AGO2: variants seen among roughly 807,000 people sequenced by gnomAD.
AGO2 encodes the protein argonaute RISC catalytic component 2.
In AGO2, 5 loss-of-function variants were observed where a neutral mutation model predicts 102.3. The ratio of observed to expected loss-of-function variants is 0.05; its 90% CI spans 0.03 to 0.10. The LOEUF is 0.10. Ranked by LOEUF, AGO2 falls within the 10% of genes least tolerant of loss-of-function variation. AGO2 has a pLI of 1.00. For synonymous variants in AGO2, 449 were observed against 473.1 expected (o/e 0.95, Z 0.66); for missense variants, 541 against 1,183.7 (o/e 0.46, Z 7.97).
At chr8:140,617,179 A>G (rs2074151649) in intron 1 of AGO2, among the ~76,000 whole-genome samples, 1 of 152,298 alleles carries the variant, frequency 6.6e-6, no homozygotes, top group South Asian at 2.1e-4. Flanking sequence ...CACAACTAGC[A>G]GCTAACGCGA....
chr8:140,561,239 A>G (rs1234314381), intron 4 of AGO2, among the ~76,000 whole-genome samples: 1 of 152,178 alleles, frequency 6.6e-6, no homozygotes, highest in Non-Finnish European at 1.5e-5. Flanking sequence ...CGCCGTCACT[A>G]ATGATTCTGA....
intron 2 of AGO2, among the ~76,000 whole-genome samples, chr8:140,580,448 G>C (rs530379745): frequency 1.3e-5 from 2 of 152,364 alleles, no homozygotes; most frequent in Admixed American, 1.3e-4. Flanking sequence ...AGAGGCTGCA[G>C]TGTGGTAAGA....
intron 10 of AGO2, among the ~76,000 whole-genome samples, chr8:140,553,843 C>T (rs1026006942): frequency 9.9e-5 from 15 of 152,112 alleles, no homozygotes; most frequent in East Asian, 5.8e-4. Context: ...GGATTACAGG[C>T]GCATGCCACC....
At chr8:140,608,188 C>T (rs142978872) in intron 1 of AGO2, among the ~76,000 whole-genome samples, 85 of 152,286 alleles carry the variant, frequency 5.6e-4, no homozygotes, top group Admixed American at 1.7e-3. Flanking sequence ...TAGCATGAGA[C>T]AGGCAGAGAT....
At chr8:140,592,922 A>C (rs7814116) in intron 1 of AGO2, 120,845 of 152,294 alleles carry the variant, frequency 0.79, 48,260 homozygotes, top group Admixed American at 0.84. Context: ...CTGAGGAGCC[A>C]GGAGCTCCAT....
In AGO2 at chr8:140,531,770, T is replaced by G; in HGVS notation, c.*274A>C. 3.2e-6 allele frequency: 1 copy of G among 312,464 alleles called. No individual in the cohort carries two copies. Among genetic ancestry groups the G allele is most frequent in the Non-Finnish European group, 6.0e-6 (1 of 165,310 alleles). The allele number at this position is 312,464 out of a possible 1,614,324, so 19.4% of individuals were successfully genotyped here. ...AGTTCATAGACTGGTTTTAGGAGAT[T>G]TTTAGGACACACGGGACTCTGTTTT... On this transcript the variant is annotated 3_prime_UTR_variant, in exon 19 of 19. Transcript: ENST00000220592.
chr8:140,580,565 C>T (rs1013650728), intron 2 of AGO2, among the ~76,000 whole-genome samples: 6 of 152,182 alleles, frequency 3.9e-5, no homozygotes, highest in Admixed American at 1.3e-4. Flanking sequence ...CCTCCAGCGG[C>T]GCTGACCATG....
upstream of AGO2, chr8:140,637,136 C>G (rs1461622326): frequency 6.6e-6 from 1 of 152,184 alleles, no homozygotes; most frequent in African/African-American, 2.4e-5. Flanking sequence ...GGCAGCCATC[C>G]CTTAAACTGC....
chr8:140,599,854 TGGGATTACA>T (rs977236116), intron 1 of AGO2, among the ~76,000 whole-genome samples: 5 of 152,208 alleles, frequency 3.3e-5, no homozygotes, highest in African/African-American at 1.2e-4. Context: ...CCAGAATAGC[TGGGATTACA>T]GGCACCCACC....
chr8:140,571,964 T>C (rs976143127), intron 3 of AGO2, among the ~76,000 whole-genome samples: 2 of 152,094 alleles, frequency 1.3e-5, no homozygotes, highest in African/African-American at 4.8e-5. Context: ...GAACTCCTGA[T>C]CTTGTGATCC....
At chr8:140,566,400 A>G (rs1323826061) in intron 3 of AGO2, among the ~76,000 whole-genome samples, 1 of 152,240 alleles carries the variant, frequency 6.6e-6, no homozygotes, top group Admixed American at 6.5e-5. Flanking sequence ...TATCAACAGC[A>G]TGAAAATTGG....
chr8:140,549,651 G>A (rs1239604031), intron 11 of AGO2, among the ~76,000 whole-genome samples: 1 of 152,282 alleles, frequency 6.6e-6, no homozygotes, highest in East Asian at 1.9e-4. Flanking sequence ...CCGTAAAGCT[G>A]CTGAGCAGCG....
At chr8:140,566,618 T>TG (rs1188430819) in intron 3 of AGO2, among the ~76,000 whole-genome samples, 3,635 of 128,326 alleles carry the variant, frequency 0.028, 70 homozygotes, top group Non-Finnish European at 0.041. Context: ...TTTTTTTTTT[T>TG]GGGGGGGGGG....
chr8:140,601,939 G>T (rs946919182), intron 1 of AGO2, among the ~76,000 whole-genome samples: 1 of 152,110 alleles, frequency 6.6e-6, no homozygotes, highest in African/African-American at 2.4e-5. Flanking sequence ...TTCCCCTTTG[G>T]GTTGAAGATG....
chr8:140,591,369 C>T (rs2073743980), intron 1 of AGO2, among the ~76,000 whole-genome samples: 1 of 152,186 alleles, frequency 6.6e-6, no homozygotes, highest in African/African-American at 2.4e-5. Flanking sequence ...AGGGAGAACT[C>T]CCCCAGGGAA....
rs1436820768 is a variant in AGO2, at chr8:140,520,568, A to G, written c.*11476T>C. On this transcript the variant is annotated 3_prime_UTR_variant, in exon 19 of 19. Transcript: ENST00000220592. ...CTCCCCATCTGTTCAGTTTCGGGTG[A>G]GTGCTGAGGAATAGAGAAATGTGAA... is the stretch of plus-strand genomic sequence containing the variant. The G allele has an allele frequency of 6.6e-6, 1 of 152,136 alleles. No individual in the cohort carries two copies. Among genetic ancestry groups the G allele is most frequent in the African/African-American group, 2.4e-5 (1 of 41,444 alleles). 9.4% of individuals were successfully genotyped at this position (152,136 alleles called of 1,614,324 possible). A position where few individuals can be genotyped will look rare whatever the true frequency, so the allele number is the denominator to read the frequency against.
At chr8:140,533,389 C>CA (rs371478800) in intron 17 of AGO2, among the ~76,000 whole-genome samples, 187 of 96,084 alleles carry the variant, frequency 1.9e-3, no homozygotes, top group East Asian at 4.7e-3. Flanking sequence ...ACTCCGTCTC[C>CA]AAAAAAAAAA....
At chr8:140,621,690 G>A (rs1190386441) in intron 1 of AGO2, among the ~76,000 whole-genome samples, 1 of 152,146 alleles carries the variant, frequency 6.6e-6, no homozygotes, top group African/African-American at 2.4e-5. Flanking sequence ...AGGTGATCTG[G>A]GCAAAACATC....
chr8:140,632,906 C>CTT (rs56679517), intron 1 of AGO2, among the ~76,000 whole-genome samples: 5 of 142,606 alleles, frequency 3.5e-5, no homozygotes, highest in Admixed American at 1.4e-4. Flanking sequence ...TTTTTCTTTT[C>CTT]TTTTTTTTTT....
Sources: allele counts gnomAD v4.1 joint callset (sites outside exome capture counted in the v4.1 genomes callset), GRCh38; gene constraint gnomAD v4.1.1; transcripts MANE v1.5; gene names NCBI Gene and HGNC (gene_info 2026-07-23, HGNC 2026-07-21).